Variants in KCNB2 observed in about 807,000 individuals in gnomAD.
KCNB2 encodes delayed rectifier potassium channel protein.
In KCNB2, 15 loss-of-function variants were observed where a neutral mutation model predicts 61.5. The ratio of observed to expected loss-of-function variants is 0.24; its 90% CI spans 0.16 to 0.38. The LOEUF is 0.38. Ranked by LOEUF, KCNB2 falls within the 10% of genes least tolerant of loss-of-function variation. The probability of loss-of-function intolerance (pLI) is 1.00; values close to 1 mark genes in which losing one functional copy is unlikely to be tolerated. For missense variants in KCNB2, 828 were observed against 1,125.2 expected (o/e 0.74, Z 3.78); for synonymous variants, 457 against 446.0 (o/e 1.02, Z -0.31).
chr8:72,590,823 A>G (rs548868764), intron 2 of KCNB2, among the ~76,000 whole-genome samples: 76 of 152,258 alleles, frequency 5.0e-4, no homozygotes, highest in Non-Finnish European at 8.7e-4. Flanking sequence ...ATTTCTCAGG[A>G]TGTGTATTTG....
chr8:72,849,279 T>A (rs139904850), intron 2 of KCNB2, among the ~76,000 whole-genome samples: 29 of 152,124 alleles, frequency 1.9e-4, no homozygotes, highest in Admixed American at 1.6e-3. Context: ...ATAAAATATG[T>A]GATGATCAGA....
intron 1 of KCNB2, among the ~76,000 whole-genome samples, chr8:72,561,778 G>GACAT (rs1563523650): frequency 1.2e-4 from 4 of 34,338 alleles, no homozygotes; most frequent in African/African-American, 4.4e-4. Flanking sequence ...TATATATATG[G>GACAT]ATATATATAT....
chr8:72,729,209 T>G (rs1339358764), intron 2 of KCNB2, among the ~76,000 whole-genome samples: 2 of 152,232 alleles, frequency 1.3e-5, no homozygotes, highest in African/African-American at 4.8e-5. Context: ...TGAGGAAATC[T>G]CAGTTGACCT....
At chr8:72,773,612 A>G (rs1808598784) in intron 2 of KCNB2, among the ~76,000 whole-genome samples, 1 of 152,200 alleles carries the variant, frequency 6.6e-6, no homozygotes, top group Non-Finnish European at 1.5e-5. Flanking sequence ...ACTGATAGAA[A>G]TTGTGGGGAG....
intron 2 of KCNB2, among the ~76,000 whole-genome samples, chr8:72,614,433 T>G (rs895551847): frequency 6.6e-6 from 1 of 152,084 alleles, no homozygotes; most frequent in African/African-American, 2.4e-5. Flanking sequence ...GTAGACAAGG[T>G]TTTTAAATTG....
At chr8:72,627,150 T>C (rs1329903340) in intron 2 of KCNB2, among the ~76,000 whole-genome samples, 1 of 152,224 alleles carries the variant, frequency 6.6e-6, no homozygotes, top group Non-Finnish European at 1.5e-5. Context: ...TTTACCCTTA[T>C]CAGTCATGTA....
intron 2 of KCNB2, among the ~76,000 whole-genome samples, chr8:72,753,146 G>C (rs1259934774): frequency 6.6e-6 from 1 of 152,170 alleles, no homozygotes. Flanking sequence ...CTGGATCTTT[G>C]AATAGAGTTG....
intron 1 of KCNB2, among the ~76,000 whole-genome samples, chr8:72,539,777 C>A (rs1806164526): frequency 6.6e-6 from 1 of 152,192 alleles, no homozygotes; most frequent in Non-Finnish European, 1.5e-5. Context: ...CCAAGTCCAA[C>A]AATTCAACTT....
chr8:72,636,020 CA>C (rs1805959963), intron 2 of KCNB2, among the ~76,000 whole-genome samples: 1 of 152,152 alleles, frequency 6.6e-6, no homozygotes, highest in Non-Finnish European at 1.5e-5. Context: ...AATAAGTTTA[CA>C]GATCTGAAAC....
chr8:72,887,216 A>C (rs960168346), intron 2 of KCNB2, among the ~76,000 whole-genome samples: 3 of 152,182 alleles, frequency 2.0e-5, no homozygotes, highest in Admixed American at 1.3e-4. Context: ...AGAATGGCCT[A>C]TTTGTCTAAT....
rs139248727 is a variant in KCNB2 at position 72,685,125 on chromosome 8, A to T, written c.579+116812A>T. 1.9e-3 allele frequency among the ~76,000 whole-genome samples: 297 copies of T among 152,358 alleles called. 3 individuals are homozygous for T. Among genetic ancestry groups the T allele is most frequent in the African/African-American group, 6.7e-3 (278 of 41,586 alleles). ...ATTTAAGAATATTATATCCTTCTTA[A>T]AAGTCAGAAGAAAACTTCTGACATA... On this transcript the variant is annotated intron_variant, in intron 2 of 2. Transcript: ENST00000523207.
At chr8:72,911,852 G>GT (rs1171572193) in intron 2 of KCNB2, among the ~76,000 whole-genome samples, 1 of 152,168 alleles carries the variant, frequency 6.6e-6, no homozygotes, top group African/African-American at 2.4e-5. Context: ...GAGAACAACA[G>GT]TATCACCTGG....
intron 2 of KCNB2, among the ~76,000 whole-genome samples, chr8:72,730,271 T>C (rs1353677748): frequency 6.6e-6 from 1 of 152,236 alleles, no homozygotes; most frequent in African/African-American, 2.4e-5. Flanking sequence ...CCCTTGCGAC[T>C]TTTCTTTTCT....
At chr8:72,603,258 T>C (rs115265430) in intron 2 of KCNB2, among the ~76,000 whole-genome samples, 1,880 of 152,252 alleles carry the variant, frequency 0.012, 34 homozygotes, top group African/African-American at 0.042. Flanking sequence ...ATTATTTGGT[T>C]CCAGTCTTCT....
In KCNB2 at chr8:72,938,077, G is replaced by A; in HGVS notation, c.2722G>A (p.Glu908Lys). 1.2e-6 allele frequency: 2 copies of A among 1,605,820 alleles called. No homozygotes were observed. Among genetic ancestry groups the A allele is most frequent in the Non-Finnish European group, 1.7e-6 (2 of 1,176,106 alleles). ...PGDTGYCPTR[E>K]TSM is the part of the protein sequence containing the mutation. The stretch of plus-strand genomic sequence containing the variant: ...AGACACAGGTTATTGTCCCACACGT[G>A]AAACCAGCATGTGACTAGTTACAAA... Residue 908 changes from glutamate to lysine, a missense_variant, in exon 3 of 3, where the codon GAA becomes AAA. This residue lies in a region of KCNB2 where 559 missense variants were observed against 588.4 expected (regional missense o/e 0.95). Coordinates refer to ENST00000523207, the MANE Select transcript of KCNB2 (RefSeq NM_004770.3).
At chr8:72,762,935 T>C (rs2128996578) in intron 2 of KCNB2, among the ~76,000 whole-genome samples, 1 of 147,690 alleles carries the variant, frequency 6.8e-6, no homozygotes, top group African/African-American at 2.5e-5. Flanking sequence ...CATACATACA[T>C]ACAATAAGTG....
intron 2 of KCNB2, among the ~76,000 whole-genome samples, chr8:72,874,521 C>T (rs1805672723): frequency 1.3e-5 from 2 of 152,216 alleles, no homozygotes; most frequent in South Asian, 4.1e-4. Flanking sequence ...GGAAATGCAT[C>T]ACAGCCCCTG....
At chr8:72,919,360 AG>A (rs1385730980) in intron 2 of KCNB2, among the ~76,000 whole-genome samples, 3 of 152,200 alleles carry the variant, frequency 2.0e-5, no homozygotes, top group East Asian at 1.9e-4. Flanking sequence ...TGAAAACCAC[AG>A]AAGGAAGTGA....
chr8:72,823,811 C>T (rs551837293), intron 2 of KCNB2, among the ~76,000 whole-genome samples: 2 of 152,194 alleles, frequency 1.3e-5, no homozygotes, highest in Non-Finnish European at 2.9e-5. Flanking sequence ...GCAAAGCAAG[C>T]TAAGTGTTGG....
Sources: gnomAD v4.1 joint callset for allele counts (sites outside exome capture counted in the v4.1 genomes callset) on GRCh38, gnomAD v4.1.1 for gene constraint, gnomAD v4.1.1 regional missense constraint, MANE v1.5 for transcripts, NCBI Gene and HGNC (gene_info 2026-07-23, HGNC 2026-07-21) for gene names.